NKAIN3: variants seen among roughly 807,000 people sequenced by gnomAD.
NKAIN3 encodes sodium/potassium transporting ATPase interacting 3.
In NKAIN3, 25 loss-of-function variants were observed where a neutral mutation model predicts 30.2. That is an observed-to-expected ratio of 0.83 (90% CI 0.60 to 1.16). NKAIN3 has a LOEUF of 1.16. Ranked by LOEUF, NKAIN3 falls within the 50% of genes most tolerant of loss-of-function variation. NKAIN3 has a pLI of 0.00. For missense variants in NKAIN3, 225 were observed against 254.1 expected (o/e 0.89, Z 0.78); for synonymous variants, 91 against 89.6 (o/e 1.02, Z -0.09).
intron 4 of NKAIN3, among the ~76,000 whole-genome samples, chr8:62,836,192 T>A (rs1372762390): frequency 6.6e-6 from 1 of 151,972 alleles, no homozygotes; most frequent in Non-Finnish European, 1.5e-5. Flanking sequence ...AGAGAGGTGA[T>A]CAAGAGCTGA....
At chr8:62,953,318 G>A (rs1186601074) in intron 5 of NKAIN3, among the ~76,000 whole-genome samples, 1 of 152,110 alleles carries the variant, frequency 6.6e-6, no homozygotes, top group Non-Finnish European at 1.5e-5. Context: ...AAAAGATTGA[G>A]GCTTTGATCA....
chr8:62,666,354 G>C (rs1207381992), intron 3 of NKAIN3, among the ~76,000 whole-genome samples: 3 of 152,058 alleles, frequency 2.0e-5, no homozygotes, highest in African/African-American at 7.2e-5. Context: ...TTCAAAGTTT[G>C]ATCAACCATG....
At chr8:62,897,177 A>G (rs942156723) in intron 4 of NKAIN3, among the ~76,000 whole-genome samples, 4 of 152,208 alleles carry the variant, frequency 2.6e-5, no homozygotes, top group Admixed American at 6.5e-5. Context: ...CTTCTCATAT[A>G]TAGTAAGAAA....
At chr8:62,324,034 G>C (rs1476985370) in intron 1 of NKAIN3, among the ~76,000 whole-genome samples, 1 of 152,094 alleles carries the variant, frequency 6.6e-6, no homozygotes, top group African/African-American at 2.4e-5. Context: ...GTATGATATT[G>C]TAATGATGGG....
At chr8:62,808,137 T>TA (rs1818365099) in intron 4 of NKAIN3, among the ~76,000 whole-genome samples, 1 of 152,134 alleles carries the variant, frequency 6.6e-6, no homozygotes, top group East Asian at 1.9e-4. Context: ...GGGCACAACT[T>TA]AAAAAATATT....
At position 62,451,209 on chromosome 8, in the gene NKAIN3, CCTTCTCTTCTCTTCTCTTTTCT is replaced by C. The variant is rs1563404561; in HGVS notation, c.55-128317_55-128296del. On this transcript the variant is annotated intron_variant, in intron 1 of 6. Transcript: ENST00000623646. ...AAATCAAGTGCTCATCATTGAATCG[CCTTCTCTTCTCTTCTCTTTTCT>C]CTTCTCTTCTCTCTCTTCTCTTCTC... is the stretch of plus-strand genomic sequence containing the variant. 2.6e-5 allele frequency among the ~76,000 whole-genome samples: 4 copies of C among 151,416 alleles called. No homozygotes were observed. In the East Asian group the frequency reaches 7.8e-4, roughly 29 times the overall value.
intron 1 of NKAIN3, among the ~76,000 whole-genome samples, chr8:62,252,579 G>A (rs1361948281): frequency 6.0e-5 from 9 of 149,000 alleles, no homozygotes; most frequent in Admixed American, 5.4e-4. Context: ...CAAGATGTTT[G>A]CCTCATGGTT....
chr8:62,849,778 A>G (rs904730944), intron 4 of NKAIN3, among the ~76,000 whole-genome samples: 1 of 152,060 alleles, frequency 6.6e-6, no homozygotes, highest in Non-Finnish European at 1.5e-5. Context: ...TACAAAGAAC[A>G]TGAACTCGTC....
rs572986353 is a variant in NKAIN3, at chr8:62,704,288, T to C, written c.274-42644T>C. Among the ~76,000 whole-genome samples, 145 of 152,314 alleles carry C rather than the reference T, an allele frequency of 9.5e-4. 2 individuals are homozygous for C. The highest frequency in any genetic ancestry group is 3.4e-3 in the African/African-American group (140 of 41,578). On this transcript the variant is annotated intron_variant, in intron 3 of 6. Coordinates refer to ENST00000623646, the MANE Select transcript of NKAIN3 (RefSeq NM_001304533.3). ...TACAATATGTTTCATACCTAAAAGATCATTTTTTTCTGCCTAAATTTTCCC... is the reference window on the plus strand; with the variant it reads ...TACAATATGTTTCATACCTAAAAGACCATTTTTTTCTGCCTAAATTTTCCC...
intron 5 of NKAIN3, among the ~76,000 whole-genome samples, chr8:62,945,811 G>C (rs754096278): frequency 3.3e-5 from 5 of 152,182 alleles, no homozygotes; most frequent in Non-Finnish European, 7.3e-5. Flanking sequence ...AGACCCTCCA[G>C]ACTCTTGGGG....
At chr8:62,348,353 G>A (rs887004297) in intron 1 of NKAIN3, among the ~76,000 whole-genome samples, 1 of 152,178 alleles carries the variant, frequency 6.6e-6, no homozygotes, top group Admixed American at 6.6e-5. Context: ...TTTAGGCATT[G>A]TAGATAAATT....
chr8:62,259,042 G>T (rs1812348736), intron 1 of NKAIN3, among the ~76,000 whole-genome samples: 1 of 152,154 alleles, frequency 6.6e-6, no homozygotes, highest in South Asian at 2.1e-4. Context: ...GGTATGGTGG[G>T]CATAGTGCTG....
intron 3 of NKAIN3, among the ~76,000 whole-genome samples, chr8:62,745,315 AAAAG>A (rs1816033040): frequency 6.6e-6 from 1 of 152,242 alleles, no homozygotes; most frequent in African/African-American, 2.4e-5. Flanking sequence ...ACCTCTCAGC[AAAAG>A]TCACGTACGG....
chr8:62,411,228 A>T (rs994855960), intron 1 of NKAIN3, among the ~76,000 whole-genome samples: 2 of 152,244 alleles, frequency 1.3e-5, no homozygotes, highest in South Asian at 2.1e-4. Context: ...TATTCCTGGG[A>T]TGCAAGGCTG....
intron 1 of NKAIN3, among the ~76,000 whole-genome samples, chr8:62,259,260 T>G (rs1812354895): frequency 6.6e-6 from 1 of 152,184 alleles, no homozygotes. Context: ...TTGATTTTCT[T>G]ATAATACTTT....
chr8:62,291,693 C>T (rs989282241), intron 1 of NKAIN3, among the ~76,000 whole-genome samples: 2 of 152,166 alleles, frequency 1.3e-5, no homozygotes, highest in East Asian at 1.9e-4. Flanking sequence ...CAGTGTGGTG[C>T]TGAGAAGAAT....
At chr8:62,597,337 T>A (rs545811650) in intron 3 of NKAIN3, among the ~76,000 whole-genome samples, 3 of 152,230 alleles carry the variant, frequency 2.0e-5, no homozygotes, top group South Asian at 4.1e-4. Context: ...CTGAGTTTCC[T>A]TAATTAGTGT....
At chr8:62,416,828 C>T (rs190843072) in intron 1 of NKAIN3, among the ~76,000 whole-genome samples, 2 of 151,868 alleles carry the variant, frequency 1.3e-5, no homozygotes, top group East Asian at 1.9e-4. Flanking sequence ...AACCCCGTCT[C>T]TACTAAAAAT....
At chr8:62,412,728 A>C (rs952981987) in intron 1 of NKAIN3, among the ~76,000 whole-genome samples, 11 of 151,668 alleles carry the variant, frequency 7.3e-5, no homozygotes, top group African/African-American at 2.7e-4. Context: ...TAGTAGAGAC[A>C]TGGTGAAACC....
Sources: allele counts gnomAD v4.1 joint callset (sites outside exome capture counted in the v4.1 genomes callset), GRCh38; gene constraint gnomAD v4.1.1; transcripts MANE v1.5; gene names NCBI Gene and HGNC (gene_info 2026-07-23, HGNC 2026-07-21).